EIF2AK2: variants seen among roughly 807,000 people sequenced by gnomAD.
EIF2AK2 encodes the protein eukaryotic translation initiation factor 2 alpha kinase 2.
In EIF2AK2, 40 loss-of-function variants were observed where a neutral mutation model predicts 70.5. The ratio of observed to expected loss-of-function variants is 0.57; its 90% CI spans 0.44 to 0.74. EIF2AK2 has a LOEUF of 0.74. EIF2AK2 is among the 30% of genes least tolerant of loss of function. The probability of loss-of-function intolerance (pLI) is 0.00; values close to 1 mark genes in which losing one functional copy is unlikely to be tolerated. For synonymous variants in EIF2AK2, 198 were observed against 220.9 expected (o/e 0.90, Z 0.92); for missense variants, 555 against 644.3 (o/e 0.86, Z 1.50).
chr2:37,138,101 T>C (rs1415563680), intron 8 of EIF2AK2, among the ~76,000 whole-genome samples, 169 bp downstream of exon 8: 2 of 127,360 alleles, frequency 1.6e-5, no homozygotes, highest in Admixed American at 8.5e-5. Context: ...AGAGGGAGAC[T>C]CCATCTCAAA....
intron 12 of EIF2AK2, among the ~76,000 whole-genome samples, 168 bp from the exon 13 acceptor site, chr2:37,120,307 G>A (rs1194406642): frequency 6.6e-6 from 1 of 150,724 alleles, no homozygotes; most frequent in African/African-American, 2.4e-5. Context: ...CACGAGGTCA[G>A]GAGATCGAGA....
intron 4 of EIF2AK2, among the ~76,000 whole-genome samples, chr2:37,142,647 T>TA (rs1219457889): frequency 3.3e-5 from 5 of 151,110 alleles, no homozygotes; most frequent in Admixed American, 2.0e-4. Context: ...TTGCTTGAGT[T>TA]AAAAAAAAAT....
In EIF2AK2 at chr2:37,137,034, T is replaced by G. The variant is rs1217539894; in HGVS notation, c.688-17A>C. 2.5e-6 allele frequency: 4 copies of G among 1,596,348 alleles called. No homozygotes were observed. The highest frequency in any genetic ancestry group is 3.4e-6 in the Non-Finnish European group (4 of 1,171,122). On this transcript the variant is annotated splice_polypyrimidine_tract_variant and intron_variant, in intron 8 of 16. Coordinates refer to ENST00000233057, the MANE Select transcript of EIF2AK2 (RefSeq NM_001135651.3). ...GAGACCATTCTATAACAAAAGAAAA[T>G]GAGAAATAGTTTCAGATGACTAAAT...
chr2:37,142,482 T>C (rs1032889564), intron 4 of EIF2AK2, among the ~76,000 whole-genome samples: 19 of 152,272 alleles, frequency 1.2e-4, no homozygotes, highest in African/African-American at 3.4e-4. Flanking sequence ...TTTGGTTTTA[T>C]TGATCTTTTT....
Position 37,109,226 on chromosome 2 carries a change from G to A in EIF2AK2, c.1447C>T (p.His483Tyr). ...GTTTCAAAAGCAGTGTCACATACATGAAGAAGTTCAGCAAGAATTAGCCCC... is the reference window on the plus strand; with the variant it reads ...GTTTCAAAAGCAGTGTCACATACATAAAGAAGTTCAGCAAGAATTAGCCCC... ...ALGLILAELL[H>Y]VCDTAFETSK... is the part of the protein sequence containing the mutation. The change falls in exon 15 of 17, where the codon CAT becomes TAT. Residue 483 changes from histidine to tyrosine, a missense_variant. His to Tyr is a moderately conservative substitution (Grantham distance 83). Coordinates refer to ENST00000233057, the MANE Select transcript of EIF2AK2 (RefSeq NM_001135651.3). The A allele has an allele frequency of 6.2e-7, 1 of 1,614,144 alleles. No individual in the cohort carries two copies. Among genetic ancestry groups the A allele is most frequent in the Non-Finnish European group, 8.5e-7 (1 of 1,179,998 alleles).
chr2:37,128,378 ATT>A (rs200880682), intron 10 of EIF2AK2, among the ~76,000 whole-genome samples: 1 of 151,994 alleles, frequency 6.6e-6, no homozygotes, highest in Non-Finnish European at 1.5e-5. Context: ...CCACAGAAGT[ATT>A]TTTTTTAATC....
At chr2:37,120,757 G>A (rs565564520) in intron 12 of EIF2AK2, among the ~76,000 whole-genome samples, 2 of 148,258 alleles carry the variant, frequency 1.3e-5, no homozygotes, top group Non-Finnish European at 3.0e-5. Flanking sequence ...GAGCTCAGGA[G>A]TTTGAGACCA....
intron 10 of EIF2AK2, among the ~76,000 whole-genome samples, chr2:37,127,520 G>GCA (rs1159119320): frequency 6.6e-6 from 1 of 151,946 alleles, no homozygotes; most frequent in East Asian, 1.9e-4. Flanking sequence ...TGCACTCAAA[G>GCA]CACACACTCT....
At chr2:37,133,474 C>G (rs1392706504) in intron 10 of EIF2AK2, among the ~76,000 whole-genome samples, 1 of 152,146 alleles carries the variant, frequency 6.6e-6, no homozygotes. Flanking sequence ...GCCCTACCCC[C>G]AATTCCCCCC....
intron 10 of EIF2AK2, among the ~76,000 whole-genome samples, chr2:37,130,900 T>C (rs1196769669): frequency 1.3e-5 from 2 of 152,232 alleles, no homozygotes; most frequent in African/African-American, 4.8e-5. Context: ...TGAATGTGGG[T>C]ACCAGATATC....
At chr2:37,141,746 A>T in intron 4 of EIF2AK2, 45 bp from the exon 5 acceptor site, 1 of 1,527,264 alleles carries the variant, frequency 6.5e-7, no homozygotes, top group Non-Finnish European at 8.8e-7. Context: ...GACAACAAAG[A>T]TTTAACCTTT....
intron 9 of EIF2AK2, chr2:37,136,677 A>C (rs750974869): frequency 1.1e-5 from 2 of 188,996 alleles, no homozygotes; most frequent in Non-Finnish European, 2.2e-5. Flanking sequence ...AAAATAATAC[A>C]CTTCTCTTGA....
intron 9 of EIF2AK2, 102 bp downstream of exon 9, chr2:37,136,881 G>A (rs1321061677): frequency 1.9e-6 from 2 of 1,066,336 alleles, no homozygotes; most frequent in Admixed American, 3.2e-5. Context: ...CTGAAACTCT[G>A]CTCAAATAAG....
intron 15 of EIF2AK2, among the ~76,000 whole-genome samples, chr2:37,108,475 G>A (rs747833561): frequency 2.3e-4 from 35 of 152,164 alleles, no homozygotes; most frequent in Non-Finnish European, 2.9e-5. Flanking sequence ...CCTCCCAGCT[G>A]CTTCCACAGA....
chr2:37,117,892 C>A (rs180854162), intron 13 of EIF2AK2, among the ~76,000 whole-genome samples: 2 of 152,298 alleles, frequency 1.3e-5, no homozygotes, highest in African/African-American at 2.4e-5. Context: ...CCTACAGCTG[C>A]TATTTTGCAA....
At chr2:37,120,748 A>G (rs4648215) in intron 12 of EIF2AK2, among the ~76,000 whole-genome samples, 1,465 of 144,426 alleles carry the variant, frequency 0.01, 40 homozygotes, top group African/African-American at 0.035. Flanking sequence ...GGATTGCTTG[A>G]GCTCAGGAGT....
In EIF2AK2 at chr2:37,100,089, T is replaced by C. The variant is rs1001576567; in HGVS notation, c.*7184A>G. On this transcript the variant is annotated 3_prime_UTR_variant, in exon 17 of 17. Coordinates refer to ENST00000233057, the MANE Select transcript of EIF2AK2 (RefSeq NM_001135651.3). ...AAACACTACTGAATTGTATACTGTA[T>C]AGGTGAATTGTATGGCATGTGAATT... 1 of 152,036 alleles carries C rather than the reference T, an allele frequency of 6.6e-6. No homozygotes were observed. Among genetic ancestry groups the C allele is most frequent in the Non-Finnish European group, 1.5e-5 (1 of 68,016 alleles). 9.4% of individuals were successfully genotyped at this position (152,036 alleles called of 1,614,324 possible). A position where few individuals can be genotyped will look rare whatever the true frequency, so the allele number is the denominator to read the frequency against.
chr2:37,140,895 G>T (rs558736518), intron 5 of EIF2AK2, among the ~76,000 whole-genome samples: 1 of 152,006 alleles, frequency 6.6e-6, no homozygotes, highest in African/African-American at 2.4e-5. Flanking sequence ...CTCTTTAACT[G>T]GTTGGTTGTA....
rs1673919239 is a variant in EIF2AK2, at chr2:37,104,981, A to C, written c.*2292T>G. 1 of 152,240 alleles carries C rather than the reference A, an allele frequency of 6.6e-6. No individual in the cohort carries two copies. Among genetic ancestry groups the C allele is most frequent in the Non-Finnish European group, 1.5e-5 (1 of 68,052 alleles). The allele number at this position is 152,240 out of a possible 1,614,324, so 9.4% of individuals were successfully genotyped here. On this transcript the variant is annotated 3_prime_UTR_variant, in exon 17 of 17. Transcript: ENST00000233057. ...TAATTGATACCTCTTCTGTAGGATT[A>C]TATTTAAATCCTTGTAGAAGATCCT...
Sources: allele counts gnomAD v4.1 joint callset (sites outside exome capture counted in the v4.1 genomes callset), GRCh38; gene constraint gnomAD v4.1.1; transcripts MANE v1.5; gene names NCBI Gene and HGNC (gene_info 2026-07-23, HGNC 2026-07-21).